Variants in SLC4A4 observed in about 807,000 individuals in gnomAD.
SLC4A4 encodes electrogenic sodium bicarbonate cotransporter 1.
SLC4A4 carries 27 observed loss-of-function variants against 111.5 expected under a neutral mutation model. The observed-to-expected ratio is 0.24, with a 90% CI of 0.18 to 0.33. The LOEUF (loss-of-function observed/expected upper bound fraction) is 0.33. Ranked by LOEUF, SLC4A4 falls within the 10% of genes least tolerant of loss-of-function variation. The pLI is 1.00. For missense variants in SLC4A4, 909 were observed against 1,315.5 expected (o/e 0.69, Z 4.78); for synonymous variants, 443 against 463.4 (o/e 0.96, Z 0.57).
At chr4:71,064,690 A>G (rs1741470522) in intron 1 of SLC4A4, among the ~76,000 whole-genome samples, 1 of 152,128 alleles carries the variant, frequency 6.6e-6, no homozygotes, top group Non-Finnish European at 1.5e-5. Context: ...TGGGCACACA[A>G]TTTCAGGACT....
intron 3 of SLC4A4, among the ~76,000 whole-genome samples, chr4:71,281,293 A>C (rs775646363): frequency 6.6e-6 from 1 of 152,200 alleles, no homozygotes; most frequent in Non-Finnish European, 1.5e-5. Context: ...TCTGAGTCCA[A>C]CTTTGTATTT....
chr4:71,474,525 G>A (rs4639040), intron 14 of SLC4A4, among the ~76,000 whole-genome samples: 40,612 of 151,732 alleles, frequency 0.27, 7,569 homozygotes, highest in East Asian at 0.59. Flanking sequence ...TCTCTGCTAC[G>A]TTGGTGAAGA....
At chr4:71,265,325 G>A (rs1017835612) in intron 3 of SLC4A4, among the ~76,000 whole-genome samples, 2 of 151,998 alleles carry the variant, frequency 1.3e-5, no homozygotes, top group African/African-American at 2.4e-5. Context: ...ATCAATCAGG[G>A]CAATGTATAA....
intron 3 of SLC4A4, chr4:71,300,960 G>A (rs968827604): frequency 3.9e-6 from 2 of 514,416 alleles, no homozygotes; most frequent in Non-Finnish European, 8.0e-6. Flanking sequence ...ATAGATCAGG[G>A]CTGATCATGT....
At chr4:71,317,081 T>C (rs1199676310) in intron 3 of SLC4A4, among the ~76,000 whole-genome samples, 152 of 136,630 alleles carry the variant, frequency 1.1e-3, no homozygotes, top group African/African-American at 1.9e-3. Flanking sequence ...TGTGCGTGTG[T>C]GTGTGTGTGT....
intron 2 of SLC4A4, among the ~76,000 whole-genome samples, chr4:71,161,472 A>G (rs923216384): frequency 7.9e-5 from 12 of 152,204 alleles, no homozygotes; most frequent in African/African-American, 2.9e-4. Flanking sequence ...AGACTTCCAT[A>G]GGGCAGGTCT....
chr4:71,434,433 CAA>C (rs1337372188), intron 7 of SLC4A4: 2 of 199,438 alleles, frequency 1.0e-5, no homozygotes, highest in Non-Finnish European at 2.2e-5. Context: ...CTAAATTTCC[CAA>C]AGTCTTTCAG....
chr4:71,424,706 T>C (rs1233911357), intron 7 of SLC4A4, among the ~76,000 whole-genome samples: 2 of 151,938 alleles, frequency 1.3e-5, no homozygotes, highest in Non-Finnish European at 2.9e-5. Flanking sequence ...ATGGATGAAA[T>C]TGGAAATCAT....
chr4:71,103,579 C>A (rs1197012547), intron 2 of SLC4A4, among the ~76,000 whole-genome samples: 1 of 152,036 alleles, frequency 6.6e-6, no homozygotes, highest in African/African-American at 2.4e-5. Context: ...ATCTCTCAGA[C>A]CACAGTGCAA....
At chr4:71,259,339 A>T (rs1286315391) in intron 3 of SLC4A4, among the ~76,000 whole-genome samples, 1 of 152,016 alleles carries the variant, frequency 6.6e-6, no homozygotes, top group Non-Finnish European at 1.5e-5. Context: ...AGCTCTGAGG[A>T]GGAAGCGAGC....
intron 3 of SLC4A4, 104 bp downstream of exon 3, chr4:71,255,503 A>T: frequency 8.8e-7 from 1 of 1,136,558 alleles, no homozygotes; most frequent in Admixed American, 1.7e-5. Context: ...ACACTGTAAT[A>T]CTGAGATGTT....
intron 2 of SLC4A4, among the ~76,000 whole-genome samples, chr4:71,167,304 A>G (rs1292959496): frequency 2.0e-5 from 3 of 152,186 alleles, no homozygotes; most frequent in African/African-American, 7.2e-5. Context: ...TGGGTTTCTT[A>G]TACAGCAGCT....
intron 7 of SLC4A4, among the ~76,000 whole-genome samples, chr4:71,423,879 A>AT (rs1722808623): frequency 6.6e-6 from 1 of 152,224 alleles, no homozygotes. Flanking sequence ...ACCTAAAACC[A>AT]TAAAAACCCT....
Position 71,515,831 on chromosome 4 carries a change from C to T in SLC4A4, c.2167-16231C>T, listed in dbSNP as rs567204149. On this transcript the variant is annotated intron_variant, in intron 16 of 25. Coordinates refer to ENST00000264485, the MANE Select transcript of SLC4A4 (RefSeq NM_001098484.3). ...TTGCATGGAATATCTTTTTCCATCCCTTTAGTTTCAGTCTATATGTCCTTA... is the reference window on the plus strand; with the variant it reads ...TTGCATGGAATATCTTTTTCCATCCTTTTAGTTTCAGTCTATATGTCCTTA... Among the ~76,000 whole-genome samples the T allele has an allele frequency of 5.3e-4, 80 of 152,100 alleles. 1 individual carries two copies. In the South Asian group the frequency reaches 6.6e-3, roughly 13 times the overall value.
At position 71,472,786 on chromosome 4, in the gene SLC4A4, C is replaced by T. The variant is rs756049006; in HGVS notation, c.1719C>T (p.Ala573=). The part of the protein sequence containing the change: ...FLCLILVATD[A]SFLVQYFTRF... The stretch of plus-strand genomic sequence containing the variant: ...GTCTCATTTTGGTAGCCACTGATGC[C>T]AGCTTCTTGGTTCAATACTTCACAC... Residue 573 remains alanine, a synonymous_variant, in exon 14 of 26, where the codon GCC becomes GCT. Coordinates refer to ENST00000264485, the MANE Select transcript of SLC4A4 (RefSeq NM_001098484.3). The T allele has an allele frequency of 1.9e-6, 3 of 1,612,964 alleles. No individual in the cohort carries two copies. Among genetic ancestry groups the T allele is most frequent in the East Asian group, 4.5e-5 (2 of 44,802 alleles).
chr4:71,364,421 G>A (rs1230077569), intron 6 of SLC4A4, among the ~76,000 whole-genome samples: 10 of 152,284 alleles, frequency 6.6e-5, no homozygotes, highest in African/African-American at 2.4e-4. Flanking sequence ...CATTCATACT[G>A]CCATAACAAA....
intron 7 of SLC4A4, among the ~76,000 whole-genome samples, chr4:71,431,898 G>A (rs1723673585): frequency 6.6e-6 from 1 of 151,904 alleles, no homozygotes; most frequent in African/African-American, 2.4e-5. Context: ...GGCATTTTAT[G>A]GTCTTTTGGT....
chr4:71,138,832 T>G (rs1039897211), intron 2 of SLC4A4, among the ~76,000 whole-genome samples: 9 of 151,808 alleles, frequency 5.9e-5, no homozygotes, highest in East Asian at 5.8e-4. Flanking sequence ...GTCAGGAGAT[T>G]GAGACCATTC....
At chr4:71,350,096 T>C in intron 5 of SLC4A4, 24 bp downstream of exon 5, 2 of 1,613,680 alleles carry the variant, frequency 1.2e-6, no homozygotes, top group Non-Finnish European at 1.7e-6. Flanking sequence ...TTGAATTTTA[T>C]CCTATTTTTT....
Sources: allele counts gnomAD v4.1 joint callset (sites outside exome capture counted in the v4.1 genomes callset), GRCh38; gene constraint gnomAD v4.1.1; transcripts MANE v1.5; gene names NCBI Gene and HGNC (gene_info 2026-07-23, HGNC 2026-07-21).